MACROD2: variants seen among roughly 807,000 people sequenced by gnomAD.
MACROD2 encodes ADP-ribose glycohydrolase MACROD2.
In MACROD2, 36 loss-of-function variants were observed where a neutral mutation model predicts 70.4. The observed-to-expected ratio is 0.51, with a 90% confidence interval of 0.39 to 0.68. The LOEUF (loss-of-function observed/expected upper bound fraction) is 0.68, where lower values mean the gene tolerates loss of function less well. Among genes scored for constraint, MACROD2 ranks in the 30% least tolerant of loss-of-function variants. The pLI is 0.00. For missense variants in MACROD2, 496 were observed against 538.4 expected (o/e 0.92, Z 0.78); for synonymous variants, 172 against 178.8 (o/e 0.96, Z 0.30).
Position 15,890,049 on chromosome 20 carries a change from A to G in MACROD2, c.775+4238A>G, listed in dbSNP as rs532074178. On this transcript the variant is annotated intron_variant, in intron 10 of 17. Transcript: ENST00000684519. ...TCTGTGACTTTCATTTGCATGCCCC[A>G]AAACACTTCACCTGTGGTATCATGA... 6.6e-4 allele frequency among the ~76,000 whole-genome samples: 101 copies of G among 152,292 alleles called. 1 individual carries two copies. The highest frequency in any genetic ancestry group is 2.4e-3 in the African/African-American group (98 of 41,570).
intron 10 of MACROD2, among the ~76,000 whole-genome samples, chr20:15,904,122 C>T (rs1202961384): frequency 6.6e-6 from 1 of 152,196 alleles, no homozygotes; most frequent in African/African-American, 2.4e-5. Flanking sequence ...GCTCTCCTCA[C>T]CCCGGGAAGG....
intron 3 of MACROD2, among the ~76,000 whole-genome samples, chr20:14,130,580 G>A (rs1969777): frequency 0.17 from 26,585 of 151,944 alleles, 2,505 homozygotes; most frequent in South Asian, 0.23. Context: ...AATATCTACC[G>A]TTAGCATAGG....
chr20:14,982,610 C>T (rs1354087866), intron 5 of MACROD2, among the ~76,000 whole-genome samples: 1 of 152,210 alleles, frequency 6.6e-6, no homozygotes, highest in East Asian at 1.9e-4. Flanking sequence ...GGGCCATGGC[C>T]TCAGAGGGTG....
At chr20:14,600,534 G>C (rs2123402962) in intron 4 of MACROD2, among the ~76,000 whole-genome samples, 2 of 152,154 alleles carry the variant, frequency 1.3e-5, no homozygotes, top group South Asian at 4.2e-4. Flanking sequence ...CTTACTCTGT[G>C]ATAGGCACAA....
At chr20:15,493,963 G>T (rs2047262882) in intron 7 of MACROD2, among the ~76,000 whole-genome samples, 1 of 152,194 alleles carries the variant, frequency 6.6e-6, no homozygotes, top group Admixed American at 6.5e-5. Context: ...TTTCACTTCT[G>T]TCTCTTTTAT....
intron 5 of MACROD2, among the ~76,000 whole-genome samples, chr20:15,215,079 C>A (rs1022234117): frequency 1.1e-4 from 17 of 151,980 alleles, no homozygotes; most frequent in African/African-American, 1.2e-4. Flanking sequence ...AGTTTTCTGG[C>A]AAATGTGTAA....
intron 4 of MACROD2, among the ~76,000 whole-genome samples, chr20:14,496,118 TGTAAAGTAACAGCTA>T (rs1568639345): frequency 6.6e-6 from 1 of 152,208 alleles, no homozygotes; most frequent in South Asian, 2.1e-4. Context: ...CAGTGATATT[TGTAAAGTAACAGCTA>T]GTAATCATCT....
chr20:14,037,651 G>A (rs1475080378), intron 2 of MACROD2, among the ~76,000 whole-genome samples: 15 of 152,094 alleles, frequency 9.9e-5, no homozygotes. Flanking sequence ...TGGTGGGGGG[G>A]GTAGTTAGTA....
intron 5 of MACROD2, among the ~76,000 whole-genome samples, chr20:15,139,503 C>A (rs1015928367): frequency 3.3e-5 from 5 of 152,064 alleles, no homozygotes; most frequent in African/African-American, 1.2e-4. Flanking sequence ...TGCTTTATTG[C>A]CGTCAACATA....
intron 8 of MACROD2, among the ~76,000 whole-genome samples, chr20:15,674,568 T>C (rs1458760311): frequency 1.3e-5 from 2 of 152,228 alleles, no homozygotes; most frequent in East Asian, 1.9e-4. Flanking sequence ...ACTCAAGGCA[T>C]ATTTTCCCAT....
chr20:14,422,086 G>T (rs886210175), intron 3 of MACROD2, among the ~76,000 whole-genome samples: 1 of 152,044 alleles, frequency 6.6e-6, no homozygotes, highest in African/African-American at 2.4e-5. Flanking sequence ...TTGGGGTTTT[G>T]TTGTTTGGCA....
chr20:14,919,087 C>T (rs770884544), intron 5 of MACROD2, among the ~76,000 whole-genome samples: 15 of 152,152 alleles, frequency 9.9e-5, no homozygotes, highest in Non-Finnish European at 1.9e-4. Flanking sequence ...TTGAGGAAGA[C>T]AAGGATGTGA....
chr20:15,925,098 A>G (rs751765936), intron 10 of MACROD2, among the ~76,000 whole-genome samples: 1 of 152,214 alleles, frequency 6.6e-6, no homozygotes, highest in Non-Finnish European at 1.5e-5. Context: ...ACACCAGGTT[A>G]TGTGCATATC....
intron 6 of MACROD2, among the ~76,000 whole-genome samples, chr20:15,289,394 A>G (rs1043009998): frequency 6.6e-6 from 1 of 152,222 alleles, no homozygotes. Flanking sequence ...CAATGAGATA[A>G]AGTATTCAAA....
chr20:14,227,070 A>G (rs55763358), intron 3 of MACROD2, among the ~76,000 whole-genome samples: 3,417 of 152,280 alleles, frequency 0.022, 41 homozygotes, highest in Non-Finnish European at 0.025. Flanking sequence ...AAACACACCA[A>G]TCAGCACCCT....
At chr20:15,433,851 T>C (rs1038168472) in intron 7 of MACROD2, among the ~76,000 whole-genome samples, 1 of 151,674 alleles carries the variant, frequency 6.6e-6, no homozygotes, top group East Asian at 1.9e-4. Context: ...AGCAGGCACA[T>C]AGACCAACAG....
chr20:15,624,079 C>G (rs149514391), intron 8 of MACROD2, among the ~76,000 whole-genome samples: 2,702 of 152,292 alleles, frequency 0.018, 52 homozygotes, highest in Non-Finnish European at 0.024. Context: ...AACAGTGCAG[C>G]CTTCAGTCTA....
At chr20:14,200,233 T>C (rs937086372) in intron 3 of MACROD2, among the ~76,000 whole-genome samples, 1 of 152,152 alleles carries the variant, frequency 6.6e-6, no homozygotes, top group Admixed American at 6.5e-5. Flanking sequence ...TGCAGGGACA[T>C]TGATGGAGCT....
At chr20:15,722,418 G>A (rs534698368) in intron 8 of MACROD2, among the ~76,000 whole-genome samples, 41 of 152,162 alleles carry the variant, frequency 2.7e-4, no homozygotes, top group African/African-American at 9.2e-4. Flanking sequence ...AGAATCTAAG[G>A]TATGTATAAT....
Sources: gnomAD v4.1 joint callset for allele counts (sites outside exome capture counted in the v4.1 genomes callset) on GRCh38, gnomAD v4.1.1 for gene constraint, MANE v1.5 for transcripts, NCBI Gene and HGNC (gene_info 2026-07-23, HGNC 2026-07-21) for gene names.